FMN1: variants seen among roughly 807,000 people sequenced by gnomAD.
FMN1 encodes the protein formin-1.
Under a neutral mutation model 132.4 loss-of-function variants are expected in FMN1, and 110 were observed. The ratio of observed to expected loss-of-function variants is 0.83; its 90% CI spans 0.71 to 0.97. FMN1 has a LOEUF of 0.97. Ranked by LOEUF, FMN1 falls within the 50% of genes least tolerant of loss-of-function variation. FMN1 has a pLI of 0.00. For synonymous variants in FMN1, 722 were observed against 651.7 expected, an observed-to-expected ratio of 1.11 and a Z score of -1.64; for missense variants, 1,792 against 1,705.3, an observed-to-expected ratio of 1.05 and a Z score of -0.90.
rs117020615 is a variant in FMN1 at position 32,800,400 on chromosome 15, G to A, written c.3981-1447C>T. On this transcript the variant is annotated intron_variant, in intron 18 of 20. Coordinates refer to ENST00000616417, the MANE Select transcript of FMN1 (RefSeq NM_001277313.2). ...ATAATGTTGAGAAAAACCGGGAAGG[G>A]AAGAATGTGGCAATGTCCACTCTTG... Among the ~76,000 whole-genome samples the A allele has an allele frequency of 3.0e-4, 45 of 152,296 alleles. No homozygotes were observed. The East Asian group carries it at 8.5e-3, about 29-fold the overall frequency.
At chr15:32,973,945 T>C (rs1197845603) in intron 7 of FMN1, among the ~76,000 whole-genome samples, 1 of 152,188 alleles carries the variant, frequency 6.6e-6, no homozygotes, top group African/African-American at 2.4e-5. Flanking sequence ...TGGTAATGAT[T>C]TGGTGATTCT....
intron 5 of FMN1, among the ~76,000 whole-genome samples, chr15:33,079,963 C>T (rs987737454): frequency 6.6e-6 from 1 of 152,142 alleles, no homozygotes; most frequent in African/African-American, 2.4e-5. Context: ...CACTTATAAG[C>T]AACAGACACA....
intron 4 of FMN1, among the ~76,000 whole-genome samples, chr15:33,146,302 C>T (rs78767926): frequency 0.023 from 3,545 of 152,240 alleles, 141 homozygotes; most frequent in African/African-American, 0.082. Context: ...GCTCCTTCTT[C>T]CTCAAGTGTA....
intron 6 of FMN1, among the ~76,000 whole-genome samples, chr15:33,029,221 A>C (rs1222638257): frequency 1.3e-5 from 2 of 152,168 alleles, no homozygotes; most frequent in Non-Finnish European, 2.9e-5. Context: ...AGAGAATCTC[A>C]GCTCCATATG....
At chr15:32,932,232 C>G (rs1057294782) in intron 9 of FMN1, among the ~76,000 whole-genome samples, 34 of 152,192 alleles carry the variant, frequency 2.2e-4, no homozygotes, top group Middle Eastern at 3.4e-3. Flanking sequence ...AACCCCGTCT[C>G]TACTAAAAAT....
chr15:33,007,077 T>C (rs756831895), intron 7 of FMN1, among the ~76,000 whole-genome samples: 2 of 152,180 alleles, frequency 1.3e-5, no homozygotes, highest in African/African-American at 4.8e-5. Flanking sequence ...ATATAAATGA[T>C]AAATATGTGA....
intron 16 of FMN1, among the ~76,000 whole-genome samples, chr15:32,872,180 T>C (rs550324195): frequency 1.3e-5 from 2 of 152,310 alleles, no homozygotes; most frequent in East Asian, 1.9e-4. Flanking sequence ...TTTTGTAATA[T>C]ACATTTATAT....
At chr15:33,017,500 T>C (rs1044573615) in intron 6 of FMN1, among the ~76,000 whole-genome samples, 3 of 152,000 alleles carry the variant, frequency 2.0e-5, no homozygotes, top group African/African-American at 7.2e-5. Context: ...AAAAAAGAAG[T>C]GAATTATCAG....
chr15:33,193,218 C>T (rs1203485615), intron 2 of FMN1, among the ~76,000 whole-genome samples: 9 of 152,098 alleles, frequency 5.9e-5, no homozygotes, highest in Non-Finnish European at 2.9e-5. Flanking sequence ...GCAACATCTT[C>T]CACAACGACA....
chr15:33,090,643 G>C (rs1391964349), intron 4 of FMN1, among the ~76,000 whole-genome samples: 3 of 151,970 alleles, frequency 2.0e-5, no homozygotes, highest in African/African-American at 7.3e-5. Context: ...TTAGAACAAA[G>C]TGCCTTTCCA....
rs552603369 is a variant in FMN1 at position 32,992,541 on chromosome 15, A to T, written c.2223+15473T>A. Among the ~76,000 whole-genome samples, 56 of 152,350 alleles carry T rather than the reference A, an allele frequency of 3.7e-4. No individual in the cohort carries two copies. In the South Asian group the frequency reaches 5.6e-3, roughly 15 times the overall value. ...AATGGCAGATTATAGATCATATCTT[A>T]GTTTACAAACTTAAGAAAAAGGACT... is the stretch of plus-strand genomic sequence containing the variant. On this transcript the variant is annotated intron_variant, in intron 7 of 20. Coordinates refer to ENST00000616417, the MANE Select transcript of FMN1 (RefSeq NM_001277313.2).
rs74955433 is a variant in FMN1, at chr15:32,896,679, T to G, written c.3714+2155A>C. Among the ~76,000 whole-genome samples, 648 of 152,330 alleles carry G rather than the reference T, an allele frequency of 4.3e-3. 1 individual carries two copies. The highest frequency in any genetic ancestry group is 0.015 in the African/African-American group (617 of 41,584). On this transcript the variant is annotated intron_variant, in intron 15 of 20. Coordinates refer to ENST00000616417, the MANE Select transcript of FMN1 (RefSeq NM_001277313.2). ...CATGCAGTATTTGCCCTTCTGTGAC[T>G]GGATTATATTGACTTAGCATAATAC...
In FMN1 at chr15:32,774,208, T is replaced by C; in HGVS notation, c.*102A>G. ...AAAGAGATGAGCAAAAACAAACATTTAGTGACACATCTTTCAAGAACGTCC... is the reference window on the plus strand; with the variant it reads ...AAAGAGATGAGCAAAAACAAACATTCAGTGACACATCTTTCAAGAACGTCC... On this transcript the variant is annotated 3_prime_UTR_variant, in exon 21 of 21. Transcript: ENST00000616417. 1 of 900,778 alleles carries C rather than the reference T, an allele frequency of 1.1e-6. No individual in the cohort carries two copies. Among genetic ancestry groups the C allele is most frequent in the Non-Finnish European group, 1.8e-6 (1 of 566,940 alleles). The allele number at this position is 900,778 out of a possible 1,614,324, so 55.8% of individuals were successfully genotyped here. A position where few individuals can be genotyped will look rare whatever the true frequency, so the allele number is the denominator to read the frequency against.
rs139999911 is a variant in FMN1, at chr15:33,183,343, C to G, written c.-196-3081G>C. On this transcript the variant is annotated intron_variant, in intron 2 of 20. Transcript: ENST00000616417. Reference sequence around the variant, plus strand: ...GCACATAAATGCTCATTCAATTAAACAAGTATTATTTGAGGGCCTGTGGAA... The same window carrying G: ...GCACATAAATGCTCATTCAATTAAAGAAGTATTATTTGAGGGCCTGTGGAA... Among the ~76,000 whole-genome samples, 981 of 152,254 alleles carry G rather than the reference C, an allele frequency of 6.4e-3. 7 individuals carry two copies. The highest frequency in any genetic ancestry group is 0.023 in the African/African-American group (938 of 41,542).
At chr15:33,103,690 T>G (rs1401825026) in intron 4 of FMN1, among the ~76,000 whole-genome samples, 1 of 152,108 alleles carries the variant, frequency 6.6e-6, no homozygotes, top group African/African-American at 2.4e-5. Flanking sequence ...AAAATGAGCT[T>G]CATTTTGTTA....
intron 8 of FMN1, among the ~76,000 whole-genome samples, chr15:32,965,935 A>G (rs2031177855): frequency 6.6e-6 from 1 of 152,086 alleles, no homozygotes; most frequent in East Asian, 1.9e-4. Context: ...TTCAACTTGA[A>G]GCATAAGCAC....
intron 5 of FMN1, among the ~76,000 whole-genome samples, chr15:33,069,436 C>G (rs1184098090): frequency 6.6e-6 from 1 of 152,150 alleles, no homozygotes; most frequent in Non-Finnish European, 1.5e-5. Context: ...TCTGTTTGAG[C>G]AAAGGTCCAA....
chr15:33,076,494 A>G (rs567169988), intron 5 of FMN1, among the ~76,000 whole-genome samples: 1 of 152,144 alleles, frequency 6.6e-6, no homozygotes, highest in Non-Finnish European at 1.5e-5. Flanking sequence ...TTTAAAGGGG[A>G]CAAAAGAAAA....
chr15:33,151,214 G>T, intron 4 of FMN1: 1 of 1,531,302 alleles, frequency 6.5e-7, no homozygotes, highest in South Asian at 1.2e-5. Context: ...AGGCCCTATA[G>T]GAAGTCTCCA....
Sources: allele counts gnomAD v4.1 joint callset (sites outside exome capture counted in the v4.1 genomes callset), GRCh38; gene constraint gnomAD v4.1.1; transcripts MANE v1.5; gene names NCBI Gene and HGNC (gene_info 2026-07-23, HGNC 2026-07-21).